SMOC2: variants seen among roughly 807,000 people sequenced by gnomAD.
SMOC2 encodes the protein SPARC related modular calcium binding 2.
SMOC2 carries 39 observed loss-of-function variants against 61.4 expected under a neutral mutation model. The observed-to-expected ratio is 0.64, with a 90% CI of 0.49 to 0.83. The LOEUF is 0.83. Ranked by LOEUF, SMOC2 falls within the 40% of genes least tolerant of loss-of-function variation. The pLI, the probability that SMOC2 is intolerant of heterozygous loss-of-function variation, is 0.00. For missense variants in SMOC2, 556 were observed against 592.9 expected (o/e 0.94, Z 0.65); for synonymous variants, 247 against 239.9 (o/e 1.03, Z -0.27).
chr6:168,557,313 T>C (rs1455178715), intron 7 of SMOC2, among the ~76,000 whole-genome samples: 1 of 152,124 alleles, frequency 6.6e-6, no homozygotes, highest in South Asian at 2.1e-4. Flanking sequence ...AAGTGTATTG[T>C]TTAAAAACAT....
intron 7 of SMOC2, among the ~76,000 whole-genome samples, chr6:168,558,321 C>T (rs1784296688): frequency 6.6e-6 from 1 of 152,122 alleles, no homozygotes; most frequent in Non-Finnish European, 1.5e-5. Flanking sequence ...TAGGACACTA[C>T]CTGCCCTAGG....
intron 9 of SMOC2, among the ~76,000 whole-genome samples, chr6:168,617,332 AT>A (rs1357295985): frequency 1.6e-4 from 25 of 152,322 alleles, no homozygotes; most frequent in African/African-American, 6.0e-4. Context: ...TTATTAATTG[AT>A]ACTTCAACAG....
At chr6:168,579,293 A>C (rs1159948525) in intron 7 of SMOC2, among the ~76,000 whole-genome samples, 1 of 152,226 alleles carries the variant, frequency 6.6e-6, no homozygotes, top group East Asian at 1.9e-4. Context: ...ATCCACATGA[A>C]AAGTGAAGTG....
Position 168,657,981 on chromosome 6 carries a change from C to T in SMOC2, c.1285+4753C>T, listed in dbSNP as rs191660259. Among the ~76,000 whole-genome samples the T allele has an allele frequency of 1.1e-4, 16 of 152,336 alleles. No individual in the cohort carries two copies. In the East Asian group the frequency reaches 3.1e-3, roughly 29 times the overall value. On this transcript the variant is annotated intron_variant, in intron 11 of 12. Transcript: ENST00000356284. ...CCATAACAGGCTGCTTTCTTCACTTCCTGTGCTTTTTCTCTTATTTTGGTC... is the reference window on the plus strand; with the variant it reads ...CCATAACAGGCTGCTTTCTTCACTTTCTGTGCTTTTTCTCTTATTTTGGTC...
intron 9 of SMOC2, among the ~76,000 whole-genome samples, chr6:168,647,635 A>G (rs147869378): frequency 2.2e-4 from 33 of 152,256 alleles, no homozygotes; most frequent in African/African-American, 6.7e-4. Flanking sequence ...TGCTCCTCTC[A>G]TGCGTTTGCT....
intron 9 of SMOC2, among the ~76,000 whole-genome samples, chr6:168,642,172 C>A (rs1013598117): frequency 1.3e-5 from 2 of 152,176 alleles, no homozygotes; most frequent in African/African-American, 4.8e-5. Flanking sequence ...ACCGCCCAAG[C>A]CGGAGTGGGC....
rs182473640 is a variant in SMOC2 at position 168,489,698 on chromosome 6, C to A, written c.85-20217C>A. On this transcript the variant is annotated intron_variant, in intron 1 of 12. Transcript: ENST00000356284. Reference sequence around the variant, plus strand: ...CACACTGTTTTAGAATGAAATATATCAAATCGTCTGGGTCCCCTTGGATCA... The same window carrying A: ...CACACTGTTTTAGAATGAAATATATAAAATCGTCTGGGTCCCCTTGGATCA... 8.1e-4 allele frequency among the ~76,000 whole-genome samples: 122 copies of A among 150,174 alleles called. 2 individuals are homozygous for A. Among genetic ancestry groups the A allele is most frequent in the Non-Finnish European group, 2.4e-4 (16 of 67,712 alleles).
chr6:168,599,074 A>C, intron 8 of SMOC2, 70 bp downstream of exon 8: 1 of 1,398,942 alleles, frequency 7.1e-7, no homozygotes, highest in Non-Finnish European at 9.7e-7. Context: ...GGAAAGCAGA[A>C]CCCCCACTTC....
In SMOC2 at chr6:168,618,486, TAGG is replaced by T. The variant is rs1285867257; in HGVS notation, c.907+10250_907+10252del. On this transcript the variant is annotated intron_variant, in intron 9 of 12. Transcript: ENST00000356284. Reference sequence around the variant, plus strand: ...GTGGAGGAGAGGCGGGTAGTGGCATTAGGAGAGTGGAGGAGAGGCGGGTAGTGG... The same window carrying T: ...GTGGAGGAGAGGCGGGTAGTGGCATTAGAGTGGAGGAGAGGCGGGTAGTGG... Among the ~76,000 whole-genome samples, 5 of 125,678 alleles carry T rather than the reference TAGG, an allele frequency of 4.0e-5. 2 individuals are homozygous for T. Among genetic ancestry groups the T allele is most frequent in the South Asian group, 5.2e-4 (2 of 3,848 alleles). 82.4% of individuals were successfully genotyped at this position (125,678 alleles called of 152,430 possible). A position where few individuals can be genotyped will look rare whatever the true frequency, so the allele number is the denominator to read the frequency against.
At position 168,466,410 on chromosome 6, in the gene SMOC2, C is replaced by T. The variant is rs372008413; in HGVS notation, c.84+24956C>T. Among the ~76,000 whole-genome samples, 55 of 152,266 alleles carry T rather than the reference C, an allele frequency of 3.6e-4. No homozygotes were observed. In the East Asian group the frequency reaches 5.4e-3, roughly 15 times the overall value. ...GCTCCCACAGCTGGAGTCCTGCTCT[C>T]GTGCCCTGCTCCAGGGGCTCCTCTA... On this transcript the variant is annotated intron_variant, in intron 1 of 12. Coordinates refer to ENST00000356284, the MANE Select transcript of SMOC2 (RefSeq NM_001166412.2).
chr6:168,590,948 T>C (rs1785167574), intron 7 of SMOC2, among the ~76,000 whole-genome samples: 1 of 151,902 alleles, frequency 6.6e-6, no homozygotes, highest in African/African-American at 2.4e-5. Flanking sequence ...TTCTACAAAT[T>C]AAAAAAAAGT....
intron 7 of SMOC2, among the ~76,000 whole-genome samples, chr6:168,597,686 C>T (rs1785366918): frequency 6.6e-6 from 1 of 152,228 alleles, no homozygotes; most frequent in Non-Finnish European, 1.5e-5. Context: ...TGGAAAATCA[C>T]TTCCAACTGG....
At chr6:168,562,743 A>G (rs1167167432) in intron 7 of SMOC2, among the ~76,000 whole-genome samples, 1 of 152,180 alleles carries the variant, frequency 6.6e-6, no homozygotes, top group African/African-American at 2.4e-5. Context: ...GAGGCTCAGC[A>G]GGTCGGAAGC....
chr6:168,486,179 T>C (rs1256462605), intron 1 of SMOC2, among the ~76,000 whole-genome samples: 1 of 152,206 alleles, frequency 6.6e-6, no homozygotes, highest in Non-Finnish European at 1.5e-5. Flanking sequence ...TGAACAAATA[T>C]GAGTAAGTAA....
At position 168,636,874 on chromosome 6, in the gene SMOC2, T is replaced by TG. The variant is rs1247044650; in HGVS notation, c.908-13807_908-13806insG. On this transcript the variant is annotated intron_variant, in intron 9 of 12. Transcript: ENST00000356284. ...TGCCTCCCTCCTCCCGCCTCCCTCC[T>TG]CCCGCCTCCCTCCTCCCACCTCCCT... Among the ~76,000 whole-genome samples the TG allele has an allele frequency of 1.3e-4, 5 of 39,954 alleles. No homozygotes were observed. The East Asian group carries it at 2.6e-3, about 21-fold the overall frequency. The allele number at this position is 39,954 out of a possible 152,430, so 26.2% of individuals were successfully genotyped here. A position where few individuals can be genotyped will look rare whatever the true frequency, so the allele number is the denominator to read the frequency against.
intron 4 of SMOC2, among the ~76,000 whole-genome samples, chr6:168,530,542 T>G (rs1783564476): frequency 6.6e-6 from 1 of 151,496 alleles, no homozygotes; most frequent in South Asian, 2.1e-4. Context: ...GGATCTTCAG[T>G]CCCAGGGAAC....
intron 1 of SMOC2, among the ~76,000 whole-genome samples, chr6:168,481,547 A>G (rs781578872): frequency 6.6e-6 from 1 of 152,216 alleles, no homozygotes; most frequent in African/African-American, 2.4e-5. Context: ...AGAAATTTAA[A>G]TGTTTCACTA....
At chr6:168,626,201 C>T (rs1191365977) in intron 9 of SMOC2, among the ~76,000 whole-genome samples, 6 of 152,276 alleles carry the variant, frequency 3.9e-5, no homozygotes, top group Middle Eastern at 3.4e-3. Flanking sequence ...TTAGGTTATG[C>T]GAGACAGACC....
rs1176273600 is a variant in SMOC2, at chr6:168,475,240, T to C, written c.84+33786T>C. Among the ~76,000 whole-genome samples the C allele has an allele frequency of 4.6e-5, 7 of 152,220 alleles. No homozygotes were observed. The highest frequency in any genetic ancestry group is 1.7e-4 in the African/African-American group (7 of 41,550). On this transcript the variant is annotated intron_variant, in intron 1 of 12. Coordinates refer to ENST00000356284, the MANE Select transcript of SMOC2 (RefSeq NM_001166412.2). This position sits in a 1 kb window ranked among gnomAD's most constrained non-coding sequence, Gnocchi z 4.6. ...CCCTTGCTTTGGAGAAGCTAAACTTTGAAGTGTGTGGAAGGCAGCTTGGAT... is the reference window on the plus strand; with the variant it reads ...CCCTTGCTTTGGAGAAGCTAAACTTCGAAGTGTGTGGAAGGCAGCTTGGAT...
Sources: allele counts gnomAD v4.1 joint callset (sites outside exome capture counted in the v4.1 genomes callset), GRCh38; gene constraint gnomAD v4.1.1; non-coding constraint Gnocchi (gnomAD v3.1); transcripts MANE v1.5; gene names NCBI Gene and HGNC (gene_info 2026-07-23, HGNC 2026-07-21).